NFASC: variants seen among roughly 807,000 people sequenced by gnomAD.
NFASC encodes neurofascin, also known as neurofascin homolog.
NFASC carries 43 observed loss-of-function variants against 147.5 expected under a neutral mutation model. The ratio of observed to expected loss-of-function variants is 0.29; its 90% confidence interval spans 0.23 to 0.38. The LOEUF (loss-of-function observed/expected upper bound fraction) is 0.38, where lower values mean the gene tolerates loss of function less well. Ranked by LOEUF, NFASC falls within the 10% of genes least tolerant of loss-of-function variation. The pLI, the probability that NFASC is intolerant of heterozygous loss-of-function variation, is 1.00. For missense variants in NFASC, 1,320 were observed against 1,689.0 expected, an observed-to-expected ratio of 0.78 and a Z score of 3.83; for synonymous variants, 622 against 665.5, an observed-to-expected ratio of 0.93 and a Z score of 1.01.
intron 1 of NFASC, among the ~76,000 whole-genome samples, chr1:204,850,054 C>G (rs2075539753): frequency 6.6e-6 from 1 of 152,176 alleles, no homozygotes; most frequent in Non-Finnish European, 1.5e-5. Context: ...TCCCGAGGGG[C>G]ACACAGTGAG....
chr1:204,930,522 T>C (rs2092273251), intron 2 of NFASC, among the ~76,000 whole-genome samples: 1 of 152,174 alleles, frequency 6.6e-6, no homozygotes, highest in East Asian at 1.9e-4. Context: ...CGTGTGTTTA[T>C]TGTACTGTCT....
At chr1:204,962,166 G>T (rs201480111) in intron 8 of NFASC, 20 of 1,610,034 alleles carry the variant, frequency 1.2e-5, no homozygotes, top group Admixed American at 1.7e-5. Flanking sequence ...GTGGTGAGTC[G>T]CAGCGGTAAC....
At chr1:204,828,882 A>C in intron 1 of NFASC, 100 bp downstream of exon 1, 1 of 757,492 alleles carries the variant, frequency 1.3e-6, no homozygotes, top group Middle Eastern at 6.4e-4. Flanking sequence ...CCATCCCCTG[A>C]CCTGCCCCCT....
At chr1:204,833,057 A>T (rs1672691504) in intron 1 of NFASC, among the ~76,000 whole-genome samples, 1 of 152,240 alleles carries the variant, frequency 6.6e-6, no homozygotes, top group Non-Finnish European at 1.5e-5. Flanking sequence ...GGGGTGCTTG[A>T]GTAGGCACTT....
At chr1:204,988,055 A>G (rs1236701022) in intron 22 of NFASC, among the ~76,000 whole-genome samples, 3 of 152,270 alleles carry the variant, frequency 2.0e-5, no homozygotes, top group Non-Finnish European at 4.4e-5. Flanking sequence ...ATCACCATGC[A>G]GGGACAGGAG....
At chr1:204,930,450 A>G (rs1433466012) in intron 2 of NFASC, among the ~76,000 whole-genome samples, 1 of 152,196 alleles carries the variant, frequency 6.6e-6, no homozygotes, top group Non-Finnish European at 1.5e-5. Context: ...TTCATTGATG[A>G]GCTATTAAAA....
rs1365325814 is a variant in NFASC, at chr1:204,954,906, C to T, written c.490C>T (p.Pro164Ser). ...CGCTCCTTTGACGCTCCAGTGCAAC[C>T]CCCCGCCTGGACTTCCATCCCCGGT... ...EGAPLTLQCN[P>S]PPGLPSPVIF... The change falls in exon 7 of 30, where the codon CCC (proline) becomes TCC (serine). Residue 164 changes from proline to serine, a missense_variant. Transcript: ENST00000339876. The surrounding 1 kb of genome is among the most constrained non-coding windows in gnomAD (Gnocchi z 5.7). 2 of 1,614,156 alleles carry T rather than the reference C, an allele frequency of 1.2e-6. No homozygotes were observed. Among genetic ancestry groups the T allele is most frequent in the Non-Finnish European group, 1.7e-6 (2 of 1,180,026 alleles).
chr1:204,866,866 C>T (rs189303539), intron 1 of NFASC, among the ~76,000 whole-genome samples: 3 of 152,168 alleles, frequency 2.0e-5, no homozygotes, highest in Admixed American at 2.0e-4. Flanking sequence ...AGTTCATGTC[C>T]CACCTTGAGA....
chr1:204,855,603 C>T (rs1371327285), intron 1 of NFASC, among the ~76,000 whole-genome samples: 1 of 152,106 alleles, frequency 6.6e-6, no homozygotes, highest in African/African-American at 2.4e-5. Context: ...ATTCCAAGGT[C>T]AAGTCAAACC....
Position 204,946,668 on chromosome 1 carries a change from G to T in NFASC, c.91+2262G>T, listed in dbSNP as rs756194869. 4 of 515,666 alleles carry T rather than the reference G, an allele frequency of 7.8e-6. No individual in the cohort carries two copies. The Admixed American group carries it at 7.8e-5, about 10-fold the overall frequency. The allele number at this position is 515,666 out of a possible 1,614,324, so 31.9% of individuals were successfully genotyped here. A position where few individuals can be genotyped will look rare whatever the true frequency, so the allele number is the denominator to read the frequency against. On this transcript the variant is annotated intron_variant, in intron 3 of 29. Transcript: ENST00000339876. ...GGCCTCCTGTACTGCTGGGCTGGAA[G>T]GTGGTGGTCATGTACGGCGAGGGCA...
rs551370303 is a variant in NFASC, at chr1:204,944,761, A to G, written c.91+355A>G. 5.4e-5 allele frequency: 14 copies of G among 257,898 alleles called. 1 individual carries two copies. In the South Asian group the frequency reaches 7.6e-4, roughly 14 times the overall value. 16.0% of individuals were successfully genotyped at this position (257,898 alleles called of 1,614,324 possible). ...GGTCCTCTGTGGTCTTGACTTGCCC[A>G]TGAAAGCAGTCCAGGGTCAAGTGTG... On this transcript the variant is annotated intron_variant, in intron 3 of 29. Transcript: ENST00000339876.
intron 13 of NFASC, 107 bp downstream of exon 13, chr1:204,974,397 G>T (rs963563663): frequency 3.4e-6 from 3 of 895,248 alleles, no homozygotes; most frequent in Non-Finnish European, 3.6e-6. Flanking sequence ...AATCTTAAAG[G>T]GTCAAAGCTG....
chr1:204,976,551 C>A, intron 15 of NFASC, 120 bp from the exon 16 acceptor site: 1 of 659,696 alleles, frequency 1.5e-6, no homozygotes, highest in Non-Finnish European at 2.6e-6. Context: ...GAGCCTCATA[C>A]CCCCAGAAGG....
At position 204,954,160 on chromosome 1, in the gene NFASC, G is replaced by T. The variant is rs2094303925; in HGVS notation, c.216-28G>T. 6.2e-7 allele frequency: 1 copy of T among 1,610,444 alleles called. No individual in the cohort carries two copies. Among genetic ancestry groups the T allele is most frequent in the Non-Finnish European group, 8.5e-7 (1 of 1,177,068 alleles). ...GCCCAGAGCCCACCCCATTCGTCTT[G>T]GTTGCCACTGCTCCCCACTCTCCAC... On this transcript the variant is annotated intron_variant, in intron 5 of 29. Transcript: ENST00000339876. The surrounding 1 kb of genome is among the most constrained non-coding windows in gnomAD (Gnocchi z 5.7).
chr1:204,840,626 T>G lies in NFASC; in HGVS notation c.-200+11844T>G, dbSNP rs148897546. Among the ~76,000 whole-genome samples the G allele has an allele frequency of 2.0e-3, 298 of 152,304 alleles. 1 individual carries two copies. Among genetic ancestry groups the G allele is most frequent in the Middle Eastern group, 6.8e-3 (2 of 294 alleles). On this transcript the variant is annotated intron_variant, in intron 1 of 29. Coordinates refer to ENST00000339876, the MANE Select transcript of NFASC (RefSeq NM_001005388.3). ...GTCACTTGGTGCCACAACTACCACT[T>G]GCACAACTACCACTGCCCTGGCCAC...
chr1:204,894,174 A>G (rs1483929211), intron 1 of NFASC, among the ~76,000 whole-genome samples: 6 of 152,242 alleles, frequency 3.9e-5, no homozygotes, highest in Non-Finnish European at 5.9e-5. Flanking sequence ...TCTTTGGCAG[A>G]GATTAAAAAA....
At position 204,944,379 on chromosome 1, in the gene NFASC, G is replaced by T. The variant is rs754770588; in HGVS notation, c.64G>T (p.Gly22Cys). 1.3e-5 allele frequency: 21 copies of T among 1,608,108 alleles called. No individual in the cohort carries two copies. Among genetic ancestry groups the T allele is most frequent in the Non-Finnish European group, 1.7e-6 (2 of 1,177,120 alleles). Reference sequence around the variant, plus strand: ...CTTCCTCCTCTGCCTCCTCAGTCTTGGCGGAGCCATCGAAATTCCTATGGA... The same window carrying T: ...CTTCCTCCTCTGCCTCCTCAGTCTTTGCGGAGCCATCGAAATTCCTATGGA... ...AAFLLCLLSL[G>C]GAIEIPMDPS... is the part of the protein sequence containing the mutation. Residue 22 changes from glycine (G) to cysteine (C), a missense_variant, in exon 3 of 30, where the codon GGC becomes TGC. This residue lies in a region of NFASC where 981 missense variants were observed against 1,289.5 expected (regional missense o/e 0.76). Coordinates refer to ENST00000339876, the MANE Select transcript of NFASC (RefSeq NM_001005388.3).
chr1:204,974,842 C>T lies in NFASC; in HGVS notation c.1558+19C>T, dbSNP rs2150351062. 6.2e-7 allele frequency: 1 copy of T among 1,612,934 alleles called. No homozygotes were observed. Among genetic ancestry groups the T allele is most frequent in the African/African-American group, 1.3e-5 (1 of 75,010 alleles). ...GTCAAAGGTAAAGGAGAGGGTTCGC[C>T]AGTGGGAGTTTGGAGAGGGACAAGG... On this transcript the variant is annotated intron_variant, in intron 14 of 29. Coordinates refer to ENST00000339876, the MANE Select transcript of NFASC (RefSeq NM_001005388.3).
intron 1 of NFASC, among the ~76,000 whole-genome samples, 185 bp from the exon 2 acceptor site, chr1:204,920,447 T>TTTTTTC (rs1553254801): frequency 7.1e-6 from 1 of 140,868 alleles, no homozygotes. Flanking sequence ...TTTTTTTTTT[T>TTTTTTC]CTTCCAGAGT....
Sources: gnomAD v4.1 joint callset for allele counts (sites outside exome capture counted in the v4.1 genomes callset) on GRCh38, gnomAD v4.1.1 for gene constraint, gnomAD v4.1.1 regional missense constraint, Gnocchi (gnomAD v3.1) non-coding constraint, MANE v1.5 for transcripts, NCBI Gene and HGNC (gene_info 2026-07-23, HGNC 2026-07-21) for gene names.